The following ERICH3 variants were observed in gnomAD, a reference collection of about 807,000 sequenced individuals.
ERICH3 encodes glutamate-rich protein 3.
In ERICH3, 126 loss-of-function variants were observed where a neutral mutation model predicts 131.1. That is an observed-to-expected ratio of 0.96 (90% CI 0.83 to 1.11). ERICH3 has a LOEUF of 1.11. Among genes scored for constraint, ERICH3 ranks in the 50% most tolerant of loss-of-function variants. The probability of loss-of-function intolerance (pLI) is 0.00; values close to 1 mark genes in which losing one functional copy is unlikely to be tolerated. For missense variants in ERICH3, 2,050 were observed against 1,810.7 expected, an observed-to-expected ratio of 1.13 and a Z score of -2.40; for synonymous variants, 695 against 644.6, an observed-to-expected ratio of 1.08 and a Z score of -1.18.
intron 6 of ERICH3, among the ~76,000 whole-genome samples, chr1:74,633,965 A>C (rs1223659842): frequency 6.6e-6 from 1 of 152,068 alleles, no homozygotes; most frequent in Non-Finnish European, 1.5e-5. Flanking sequence ...GTTTTTGGCC[A>C]AATCACTTTT....
chr1:74,571,806 ACT>A lies in ERICH3; in HGVS notation c.3902_3903del (p.Glu1301ValfsTer29). 6.2e-7 allele frequency: 1 copy of A among 1,612,874 alleles called. No individual in the cohort carries two copies. Among genetic ancestry groups the A allele is most frequent in the Non-Finnish European group, 8.5e-7 (1 of 1,179,824 alleles). On this transcript the variant is annotated frameshift_variant, in exon 14 of 15. Transcript: ENST00000326665. LOFTEE classifies it high-confidence loss of function. ...TGCATCGCTTCTGTCTCCAGAGTGC[ACT>A]CTTTGTCCTCTTCCTCCTCTGGGTC... ...DEDPEEEEDKECTLETEAMQD... is the reference protein window; with the variant it reads ...DEDPEEEEDKXCTLETEAMQD...
chr1:74,597,891 A>G (rs1465065360), intron 11 of ERICH3, among the ~76,000 whole-genome samples: 5 of 151,992 alleles, frequency 3.3e-5, no homozygotes, highest in African/African-American at 1.2e-4. Flanking sequence ...TGGATCAGAC[A>G]TTTTGTCTCA....
Position 74,572,900 on chromosome 1 carries a change from A to T in ERICH3, c.2810T>A (p.Val937Glu), listed in dbSNP as rs1390665470. The stretch of plus-strand genomic sequence containing the variant: ...ACTTTCTCCGACATCACTCACAGCC[A>T]CCCCACCCTCAGCCTCTCCCTCCTC... ...TSEEGEAEGG[V>E]AVSDVGESEE... Residue 937 changes from valine to glutamate, a missense_variant, in exon 14 of 15, where the codon GTG becomes GAG. By Grantham distance (121) the Val-to-Glu change is moderately radical. Transcript: ENST00000326665. 13 of 1,613,378 alleles carry T rather than the reference A, an allele frequency of 8.1e-6. No homozygotes were observed. In the East Asian group the frequency reaches 2.9e-4, roughly 36 times the overall value.
At chr1:74,656,709 A>C (rs1308703571) in intron 1 of ERICH3, among the ~76,000 whole-genome samples, 1 of 152,222 alleles carries the variant, frequency 6.6e-6, no homozygotes, top group East Asian at 1.9e-4. Context: ...CCCACATAGA[A>C]TCTGGCAAAC....
At chr1:74,672,257 T>C (rs534106810) in intron 1 of ERICH3, among the ~76,000 whole-genome samples, 1 of 152,332 alleles carries the variant, frequency 6.6e-6, no homozygotes, top group South Asian at 2.1e-4. Flanking sequence ...ATTTGCATCT[T>C]ACGTAGCATC....
chr1:74,673,426 A>T lies in ERICH3; in HGVS notation c.23+71T>A. The T allele has an allele frequency of 9.0e-6, 14 of 1,560,242 alleles. No homozygotes were observed. In the South Asian group the frequency reaches 1.6e-4, roughly 18 times the overall value. ...TCTCGCCCCTTCCCTCCGCAGCAGG[A>T]GGGAGGAGGAGGGGCAGCTGGCTGA... On this transcript the variant is annotated intron_variant, in intron 1 of 14. Transcript: ENST00000326665.
At position 74,636,313 on chromosome 1, in the gene ERICH3, T is replaced by C. The variant is rs75982711; in HGVS notation, c.570A>G (p.Ser190=). The change falls in exon 6 of 15, where the codon TCA becomes TCG. Residue 190 remains serine (S), a synonymous_variant. Coordinates refer to ENST00000326665, the MANE Select transcript of ERICH3 (RefSeq NM_001002912.5). ...KVTSRSRSKT[S]LLENEALFPI... ...GAAACAGAGCTTCATTTTCCAGCAA[T>C]GAGGTTTTTGATCTGGACCTTGAAG... 5.4e-4 allele frequency: 862 copies of C among 1,609,638 alleles called. 3 individuals are homozygous for C. The African/African-American group carries it at 0.01, about 19-fold the overall frequency.
At chr1:74,577,871 T>C (rs935791307) in intron 12 of ERICH3, among the ~76,000 whole-genome samples, 2 of 152,214 alleles carry the variant, frequency 1.3e-5, no homozygotes, top group Admixed American at 6.5e-5. Flanking sequence ...CTTTTCTAAA[T>C]TGCTAAAACT....
At chr1:74,631,658 TA>T in intron 7 of ERICH3, 54 bp downstream of exon 7, 1 of 1,388,738 alleles carries the variant, frequency 7.2e-7, no homozygotes, top group Non-Finnish European at 1.0e-6. Context: ...AGAAATCTAA[TA>T]GTGCAATGTA....
At chr1:74,577,220 T>C (rs1173980744) in intron 12 of ERICH3, 1 of 274,380 alleles carries the variant, frequency 3.6e-6, no homozygotes, top group Admixed American at 5.3e-5. Flanking sequence ...CAACTACTTC[T>C]GGCCATTCTA....
intron 12 of ERICH3, among the ~76,000 whole-genome samples, chr1:74,580,853 A>C (rs1409690632): frequency 6.6e-6 from 1 of 152,174 alleles, no homozygotes; most frequent in Non-Finnish European, 1.5e-5. Context: ...TTTGGTGTGC[A>C]AATGATCCCA....
At chr1:74,636,783 G>C (rs61778102) in intron 5 of ERICH3, among the ~76,000 whole-genome samples, 1 of 152,038 alleles carries the variant, frequency 6.6e-6, no homozygotes, top group South Asian at 2.1e-4. Flanking sequence ...TTAATGTTAC[G>C]TTGAATAATG....
At chr1:74,667,136 T>A (rs1274581963) in intron 1 of ERICH3, among the ~76,000 whole-genome samples, 2 of 152,162 alleles carry the variant, frequency 1.3e-5, no homozygotes, top group African/African-American at 4.8e-5. Flanking sequence ...CTGTTCACTA[T>A]TTTTTTGTGA....
In ERICH3 at chr1:74,572,575, A is replaced by G; in HGVS notation, c.3135T>C (p.Asp1045=). 1 of 1,613,390 alleles carries G rather than the reference A, an allele frequency of 6.2e-7. No individual in the cohort carries two copies. The highest frequency in any genetic ancestry group is 1.1e-5 in the South Asian group (1 of 91,040). The change falls in exon 14 of 15, where the codon GAT becomes GAC. Residue 1045 remains aspartate (D), a synonymous_variant. Coordinates refer to ENST00000326665, the MANE Select transcript of ERICH3 (RefSeq NM_001002912.5). ...VTEAEANRED[D]RKEILPKELD... ...ATTCCTTGGGTAAAATTTCTTTCCT[A>G]TCATCTTCCCTATTAGCTTCTGCCT... is the stretch of plus-strand genomic sequence containing the variant.
At chr1:74,643,768 T>C (rs1646456258) in intron 3 of ERICH3, among the ~76,000 whole-genome samples, 2 of 152,128 alleles carry the variant, frequency 1.3e-5, no homozygotes, top group Admixed American at 1.3e-4. Flanking sequence ...CCAGGTCATA[T>C]ACCCAGCCAG....
intron 1 of ERICH3, among the ~76,000 whole-genome samples, chr1:74,650,774 T>A (rs376251557): frequency 1.1e-4 from 16 of 152,176 alleles, no homozygotes; most frequent in African/African-American, 3.9e-4. Flanking sequence ...ATTTTTGGAC[T>A]GTGGCTGACC....
chr1:74,654,323 C>G (rs187665032), intron 1 of ERICH3, among the ~76,000 whole-genome samples: 4 of 151,486 alleles, frequency 2.6e-5, no homozygotes, highest in Admixed American at 1.3e-4. Flanking sequence ...TTAGTACCAA[C>G]AGTATATATG....
Position 74,599,905 on chromosome 1 carries a change from C to T in ERICH3, c.1516G>A (p.Glu506Lys), listed in dbSNP as rs774941929. ...TTAGATTTTTCACCTTGTTTCTCCT[C>T]ATCTACTTCAAAGTCTTCTTCATAC... ...YEYEEDFEVD[E>K]EKQGEKSNEE... The change falls in exon 11 of 15, where the codon GAG (glutamate) becomes AAG (lysine). Residue 506 changes from glutamate (E) to lysine (K), a missense_variant. Glu to Lys is a moderately conservative substitution (Grantham distance 56). Coordinates refer to ENST00000326665, the MANE Select transcript of ERICH3 (RefSeq NM_001002912.5). 4 of 1,610,484 alleles carry T rather than the reference C, an allele frequency of 2.5e-6. No homozygotes were observed. Among genetic ancestry groups the T allele is most frequent in the Non-Finnish European group, 2.5e-6 (3 of 1,178,268 alleles).
Position 74,573,010 on chromosome 1 carries a change from C to G in ERICH3, c.2700G>C (p.Glu900Asp), listed in dbSNP as rs751361987. Residue 900 changes from glutamate to aspartate, a missense_variant, in exon 14 of 15, where the codon GAG (glutamate) becomes GAC (aspartate). By Grantham distance (45) the Glu-to-Asp change is conservative. Transcript: ENST00000326665. ...KAASEGEQGLEKAVLANEAAA... is the reference protein window; with the variant it reads ...KAASEGEQGLDKAVLANEAAA... ...CTGCTTCATTTGCAAGCACTGCCTTCTCTAAACCCTGTTCCCCTTCAGAAG... is the reference window on the plus strand; with the variant it reads ...CTGCTTCATTTGCAAGCACTGCCTTGTCTAAACCCTGTTCCCCTTCAGAAG... 1 of 1,614,190 alleles carries G rather than the reference C, an allele frequency of 6.2e-7. No homozygotes were observed.
Sources: allele counts gnomAD v4.1 joint callset (sites outside exome capture counted in the v4.1 genomes callset), GRCh38; gene constraint gnomAD v4.1.1; transcripts MANE v1.5; gene names NCBI Gene and HGNC (gene_info 2026-07-23, HGNC 2026-07-21).